Variants in HERC3 observed in about 807,000 individuals in gnomAD.
The protein encoded by HERC3 is HECT and RLD domain containing E3 ubiquitin protein ligase 3, also known as probable E3 ubiquitin-protein ligase HERC3.
Under a neutral mutation model 129.9 loss-of-function variants are expected in HERC3, and 58 were observed. The ratio of observed to expected loss-of-function variants is 0.45; its 90% CI spans 0.36 to 0.56. The LOEUF is 0.56. Ranked by LOEUF, HERC3 falls within the 20% of genes least tolerant of loss-of-function variation. The pLI is 0.00. For missense variants in HERC3, 835 were observed against 1,244.2 expected, an observed-to-expected ratio of 0.67 and a Z score of 4.95; for synonymous variants, 430 against 451.0, an observed-to-expected ratio of 0.95 and a Z score of 0.59.
intron 22 of HERC3, 72 bp from the exon 23 acceptor site, chr4:88,687,145 C>G: frequency 8.9e-7 from 1 of 1,128,418 alleles, no homozygotes; most frequent in Non-Finnish European, 1.3e-6. Context: ...AAGCCTCTCT[C>G]AGTCATTTGA....
the HERC3 span, among the ~76,000 whole-genome samples, chr4:88,558,369 A>T: frequency 1.3e-5 from 2 of 152,184 alleles, no homozygotes; most frequent in African/African-American, 2.4e-5. Flanking sequence ...ATGGAGACGG[A>T]GGCCATTATT....
In HERC3 at chr4:88,685,763, AAATAAT is replaced by A. The variant is rs139475837; in HGVS notation, c.2508-958_2508-953del. Among the ~76,000 whole-genome samples, 17 of 151,630 alleles carry A rather than the reference AAATAAT, an allele frequency of 1.1e-4. No individual in the cohort carries two copies. The South Asian group carries it at 2.5e-3, about 22-fold the overall frequency. ...CACAAGTATCCCAGAACTTAAAGTA[AAATAAT>A]AATAATAATAATAAAGCCAGTCTAA... On this transcript the variant is annotated intron_variant, in intron 21 of 25. Coordinates refer to ENST00000402738, the MANE Select transcript of HERC3 (RefSeq NM_014606.3).
chr4:88,553,726 C>T, the HERC3 span, among the ~76,000 whole-genome samples: 8 of 152,156 alleles, frequency 5.3e-5, no homozygotes, highest in African/African-American at 1.9e-4. Flanking sequence ...TTAGTACAGA[C>T]AGGGTTTTAC....
chr4:88,640,092 G>T (rs1727908379), intron 3 of HERC3, among the ~76,000 whole-genome samples: 1 of 152,194 alleles, frequency 6.6e-6, no homozygotes, highest in Admixed American at 6.5e-5. Context: ...TGCTGGCGAG[G>T]CTATGGAGAA....
At chr4:88,654,349 CATAT>C (rs869126362) in intron 7 of HERC3, among the ~76,000 whole-genome samples, 2,831 of 70,642 alleles carry the variant, frequency 0.04, 51 homozygotes, top group South Asian at 0.063. Flanking sequence ...GTAGATTTTT[CATAT>C]ATATATATAT....
chr4:88,548,228 T>C, the HERC3 span, among the ~76,000 whole-genome samples: 5 of 152,212 alleles, frequency 3.3e-5, no homozygotes, highest in African/African-American at 1.2e-4. Context: ...AGGATTAGAA[T>C]TGGTGGCCAT....
chr4:88,695,124 TATTAAGATAATCATATG>T (rs1358960121), intron 23 of HERC3, among the ~76,000 whole-genome samples: 19 of 152,306 alleles, frequency 1.2e-4, no homozygotes, highest in African/African-American at 4.6e-4. Flanking sequence ...ATTTTTTCTC[TATTAAGATAATCATATG>T]ATTAAGATAA....
chr4:88,706,669 C>T (rs1735809199), intron 25 of HERC3, 83 bp from the exon 26 acceptor site: 1 of 1,061,490 alleles, frequency 9.4e-7, no homozygotes, highest in Non-Finnish European at 1.4e-6. Flanking sequence ...GGGTGTCATG[C>T]CTTCCTCTCC....
chr4:88,655,032 A>G (rs913399846), intron 7 of HERC3, 142 bp from the exon 8 acceptor site: 2 of 637,964 alleles, frequency 3.1e-6, no homozygotes. Flanking sequence ...TTTAATGAAC[A>G]TCCTTACAAA....
the HERC3 span, among the ~76,000 whole-genome samples, chr4:88,548,817 C>T: frequency 3.3e-5 from 5 of 151,940 alleles, no homozygotes; most frequent in Admixed American, 6.6e-5. Context: ...CACACCACCA[C>T]GCCTGGCTAA....
rs1182827050 is a variant in HERC3, at chr4:88,680,206, A to G, written c.2310A>G (p.Gln770=). The stretch of plus-strand genomic sequence containing the variant: ...TCTATGGAATGTTTACCTACTATCA[A>G]GATTCAAATCTCTTGTGGTTTTCAG... ...NPIYGMFTYY[Q]DSNLLWFSDT... The change falls in exon 20 of 26, where the codon CAA becomes CAG. Residue 770 remains glutamine (Q), a synonymous_variant. Coordinates refer to ENST00000402738, the MANE Select transcript of HERC3 (RefSeq NM_014606.3). 6.2e-7 allele frequency: 1 copy of G among 1,610,340 alleles called. No homozygotes were observed.
At chr4:88,560,688 A>G in the HERC3 span, among the ~76,000 whole-genome samples, 1 of 152,048 alleles carries the variant, frequency 6.6e-6, no homozygotes, top group Non-Finnish European at 1.5e-5. Context: ...CTTTTTCTCT[A>G]TGTTCTCATG....
rs1201720300 is a variant in HERC3, at chr4:88,708,434, T to C, written c.*1474T>C. 2 of 152,626 alleles carry C rather than the reference T, an allele frequency of 1.3e-5. No homozygotes were observed. The highest frequency in any genetic ancestry group is 2.1e-4 in the South Asian group (1 of 4,834). The allele number at this position is 152,626 out of a possible 1,614,324, so 9.5% of individuals were successfully genotyped here. A position where few individuals can be genotyped will look rare whatever the true frequency, so the allele number is the denominator to read the frequency against. ...TAAATTGGTAGTTTTTCAGTCTTTA[T>C]AAATACAGGATTAAAAATATATATA... is the stretch of plus-strand genomic sequence containing the variant. On this transcript the variant is annotated 3_prime_UTR_variant, in exon 26 of 26. Coordinates refer to ENST00000402738, the MANE Select transcript of HERC3 (RefSeq NM_014606.3).
At chr4:88,603,551 GT>G (rs1227879779) in intron 2 of HERC3, among the ~76,000 whole-genome samples, 4 of 152,104 alleles carry the variant, frequency 2.6e-5, no homozygotes. Context: ...AGCATCTACT[GT>G]TTTATAAGGC....
chr4:88,540,996 T>C, the HERC3 span, among the ~76,000 whole-genome samples: 5 of 152,228 alleles, frequency 3.3e-5, no homozygotes, highest in South Asian at 4.1e-4. Context: ...ACATGCCAAA[T>C]TGTAAAGACC....
chr4:88,653,149 C>G, intron 6 of HERC3, 59 bp downstream of exon 6: 1 of 1,504,488 alleles, frequency 6.6e-7, no homozygotes, highest in East Asian at 2.3e-5. Flanking sequence ...TTAACACATG[C>G]TTCTTGAGGA....
intron 3 of HERC3, among the ~76,000 whole-genome samples, chr4:88,635,336 G>A (rs566161860): frequency 6.6e-6 from 1 of 152,020 alleles, no homozygotes; most frequent in East Asian, 1.9e-4. Flanking sequence ...AAAATGCAAC[G>A]TGAGAACTTC....
At chr4:88,603,088 G>A (rs1385001392) in intron 2 of HERC3, among the ~76,000 whole-genome samples, 3 of 152,092 alleles carry the variant, frequency 2.0e-5, no homozygotes, top group Non-Finnish European at 2.9e-5. Flanking sequence ...GTTCAAACTT[G>A]AGTGTTAGAC....
At chr4:88,572,533 G>T in the HERC3 span, among the ~76,000 whole-genome samples, 6 of 152,092 alleles carry the variant, frequency 3.9e-5, no homozygotes, top group South Asian at 1.2e-3. Context: ...TCTTTTGGCC[G>T]AGTGTGGTGG....
Sources: allele counts gnomAD v4.1 joint callset (sites outside exome capture counted in the v4.1 genomes callset), GRCh38; gene constraint gnomAD v4.1.1; transcripts MANE v1.5; gene names NCBI Gene and HGNC (gene_info 2026-07-23, HGNC 2026-07-21).